FLNB: variants seen among roughly 807,000 people sequenced by gnomAD.
FLNB encodes filamin B.
A neutral mutation model predicts 250.6 loss-of-function variants in FLNB; 111 were observed. The ratio of observed to expected loss-of-function variants is 0.44; its 90% CI spans 0.38 to 0.52. The LOEUF is 0.52. FLNB is among the 20% of genes least tolerant of loss of function. The pLI, the probability that FLNB is intolerant of heterozygous loss-of-function variation, is 0.00. For synonymous variants in FLNB, 1,302 were observed against 1,372.1 expected, an observed-to-expected ratio of 0.95 and a Z score of 1.13; for missense variants, 2,869 against 3,447.8, an observed-to-expected ratio of 0.83 and a Z score of 4.20.
At chr3:58,092,797 A>C (rs1339269541) in intron 4 of FLNB, among the ~76,000 whole-genome samples, 1 of 152,230 alleles carries the variant, frequency 6.6e-6, no homozygotes, top group Non-Finnish European at 1.5e-5. Context: ...CAGCTAAAGA[A>C]AAAAAACTTT....
At chr3:58,135,551 G>A (rs1335812827) in intron 27 of FLNB, among the ~76,000 whole-genome samples, 1 of 152,202 alleles carries the variant, frequency 6.6e-6, no homozygotes, top group East Asian at 1.9e-4. Context: ...TTTGTTGGGG[G>A]TTGGTCACAA....
chr3:58,059,692 C>T (rs928598323), intron 1 of FLNB, among the ~76,000 whole-genome samples: 2 of 152,166 alleles, frequency 1.3e-5, no homozygotes, highest in South Asian at 2.1e-4. Flanking sequence ...GCAGCAAAGC[C>T]GATCTGCTGT....
chr3:58,090,650 G>T (rs1344564492), intron 4 of FLNB, among the ~76,000 whole-genome samples: 1 of 152,100 alleles, frequency 6.6e-6, no homozygotes, highest in Admixed American at 6.5e-5. Context: ...GACTATTTTT[G>T]ACTGAAACTT....
At chr3:58,109,921 C>A (rs1001611181) in intron 15 of FLNB, 89 bp from the exon 16 acceptor site, 1 of 1,549,282 alleles carries the variant, frequency 6.5e-7, no homozygotes, top group Admixed American at 1.7e-5. Context: ...TTCCCAATTG[C>A]TTTTTGAGGG....
chr3:58,098,685 C>T, intron 7 of FLNB, 26 bp from the exon 8 acceptor site: 1 of 1,612,234 alleles, frequency 6.2e-7, no homozygotes, highest in Non-Finnish European at 8.5e-7. Context: ...GTGACTTGGG[C>T]TCATGGAATG....
At chr3:58,056,091 T>A (rs2097169903) in intron 1 of FLNB, among the ~76,000 whole-genome samples, 1 of 131,934 alleles carries the variant, frequency 7.6e-6, no homozygotes, top group South Asian at 2.2e-4. Context: ...ATTTATTTAT[T>A]TATTTATTTA....
Position 58,148,283 on chromosome 3 carries a change from A to G in FLNB, c.5806A>G (p.Ser1936Gly), listed in dbSNP as rs755842925. 1.2e-6 allele frequency: 2 copies of G among 1,614,040 alleles called. No individual in the cohort carries two copies. The highest frequency in any genetic ancestry group is 2.7e-5 in the African/African-American group (2 of 74,926). ...GCTCGACATCAGTGAGACTGACCTCAGCAGCCTGACGGCCAGCATTAAGGC... is the reference window on the plus strand; with the variant it reads ...GCTCGACATCAGTGAGACTGACCTCGGCAGCCTGACGGCCAGCATTAAGGC... ...FLLDISETDL[S>G]SLTASIKAPS... Residue 1936 changes from serine to glycine, a missense_variant, in exon 35 of 46, where the codon AGC becomes GGC. Physicochemically the swap from Ser to Gly is moderately conservative, Grantham distance 56. Transcript: ENST00000295956.
chr3:58,097,109 C>T (rs537694987), intron 6 of FLNB, among the ~76,000 whole-genome samples: 2 of 152,300 alleles, frequency 1.3e-5, no homozygotes, highest in East Asian at 3.9e-4. Context: ...CTCAACAGCA[C>T]ATAAAGGCCA....
intron 1 of FLNB, among the ~76,000 whole-genome samples, chr3:58,062,728 C>T (rs1449274202): frequency 6.6e-6 from 1 of 152,148 alleles, no homozygotes; most frequent in Non-Finnish European, 1.5e-5. Flanking sequence ...ATTCTATCAG[C>T]CTTAATGCTG....
Position 58,124,374 on chromosome 3 carries a change from G to A in FLNB, c.3767G>A (p.Arg1256Gln), listed in dbSNP as rs148506076. 3.3e-5 allele frequency: 53 copies of A among 1,614,048 alleles called. No individual in the cohort carries two copies. Among genetic ancestry groups the A allele is most frequent in the East Asian group, 6.7e-5 (3 of 44,902 alleles). ...ACCACCGACTTTACAGTTGACTCTC[G>A]GCCGCTGACCCAGGTTGGGGGTGAC... ...EATTDFTVDS[R>Q]PLTQVGGDHI... is the part of the protein sequence containing the mutation. Residue 1256 changes from arginine to glutamine, a missense_variant, in exon 22 of 46, where the codon CGG becomes CAG. Physicochemically the swap from Arg to Gln is conservative, Grantham distance 43. Transcript: ENST00000295956.
At position 58,101,507 on chromosome 3, in the gene FLNB, C is replaced by T. The variant is rs142436417; in HGVS notation, c.1346-696C>T. On this transcript the variant is annotated intron_variant, in intron 8 of 45. Transcript: ENST00000295956. ...AAGGCATATTGGAAGCTATCTTCGC[C>T]CTTAACTTTTAGACTTACAACTCTA... is the stretch of plus-strand genomic sequence containing the variant. 8.5e-5 allele frequency among the ~76,000 whole-genome samples: 13 copies of T among 152,274 alleles called. No homozygotes were observed. In the East Asian group the frequency reaches 2.5e-3, roughly 29 times the overall value.
intron 1 of FLNB, among the ~76,000 whole-genome samples, chr3:58,036,655 A>C (rs2097138503): frequency 6.6e-6 from 1 of 152,212 alleles, no homozygotes. Flanking sequence ...TCTGACCCCT[A>C]AACCTTAATT....
At chr3:58,156,991 C>G (rs2097354356) in intron 41 of FLNB, among the ~76,000 whole-genome samples, 1 of 152,236 alleles carries the variant, frequency 6.6e-6, no homozygotes, top group Non-Finnish European at 1.5e-5. Context: ...GCCACTGTGC[C>G]TGGCCAGAAC....
chr3:58,045,526 A>G (rs550541056), intron 1 of FLNB, among the ~76,000 whole-genome samples: 33 of 152,240 alleles, frequency 2.2e-4, no homozygotes, highest in Non-Finnish European at 4.3e-4. Flanking sequence ...TATGTGGCCA[A>G]GACAATTCTT....
At chr3:58,083,367 C>CTTTT (rs71091341) in intron 4 of FLNB, among the ~76,000 whole-genome samples, 8 of 91,502 alleles carry the variant, frequency 8.7e-5, no homozygotes, top group East Asian at 6.4e-4. Flanking sequence ...TCAGCTTAGT[C>CTTTT]TTTTTTTTTT....
chr3:58,037,169 A>G (rs1247659514), intron 1 of FLNB, among the ~76,000 whole-genome samples: 3 of 151,040 alleles, frequency 2.0e-5, no homozygotes, highest in Admixed American at 2.0e-4. Flanking sequence ...AGTTCAAGCA[A>G]TTCTCCTGCC....
At chr3:58,133,093 G>GTCCA (rs1335882115) in intron 26 of FLNB, among the ~76,000 whole-genome samples, 162 bp downstream of exon 26, 2 of 150,396 alleles carry the variant, frequency 1.3e-5, no homozygotes, top group African/African-American at 4.9e-5. Flanking sequence ...TCCTCCATCA[G>GTCCA]TCCATCCATC....
rs764817484 is a variant in FLNB, at chr3:58,123,477, G to C, written c.3511G>C (p.Val1171Leu). 19 of 1,604,874 alleles carry C rather than the reference G, an allele frequency of 1.2e-5. No individual in the cohort carries two copies. The South Asian group carries it at 1.4e-4, about 12-fold the overall frequency. ...AGPGALGLEA[V>L]SDSGTKAEVS... is the part of the protein sequence containing the mutation. ...ACCGGGGGCCCTGGGCCTGGAAGCT[G>C]TCTCGGACTCGGGAACAAAAGCCGA... Residue 1171 changes from valine to leucine, a missense_variant, in exon 21 of 46, where the codon GTC becomes CTC. By Grantham distance (32) the Val-to-Leu change is conservative. This residue lies in a region of FLNB where 1,348 missense variants were observed against 1,466.7 expected (regional missense o/e 0.92). Coordinates refer to ENST00000295956, the MANE Select transcript of FLNB (RefSeq NM_001457.4).
rs535215865 is a variant in FLNB at position 58,161,754 on chromosome 3, CTGGCCTTCCTCTTGGTGGCAGGA to C, written c.7022-1372_7022-1350del. On this transcript the variant is annotated intron_variant, in intron 42 of 45. Coordinates refer to ENST00000295956, the MANE Select transcript of FLNB (RefSeq NM_001457.4). Reference sequence around the variant, plus strand: ...GCTGTTCTGCTTTGTGGGCCTGGTTCTGGCCTTCCTCTTGGTGGCAGGATGGCCTTCCTCTTGGTGGCAGGATG... The same window carrying C: ...GCTGTTCTGCTTTGTGGGCCTGGTTCTGGCCTTCCTCTTGGTGGCAGGATG... Among the ~76,000 whole-genome samples, 518 of 152,204 alleles carry C rather than the reference CTGGCCTTCCTCTTGGTGGCAGGA, an allele frequency of 3.4e-3. 3 individuals carry two copies. Among genetic ancestry groups the C allele is most frequent in the African/African-American group, 0.012 (481 of 41,528 alleles).
Sources: allele counts gnomAD v4.1 joint callset (sites outside exome capture counted in the v4.1 genomes callset), GRCh38; gene constraint gnomAD v4.1.1; regional missense constraint gnomAD v4.1.1; transcripts MANE v1.5; gene names NCBI Gene and HGNC (gene_info 2026-07-23, HGNC 2026-07-21).